Variants in AFG2A observed in about 807,000 individuals in gnomAD.
AFG2A encodes AAA ATPase AFG2A.
chr4:123,243,425 G>T, the AFG2A span, among the ~76,000 whole-genome samples: 2 of 152,110 alleles, frequency 1.3e-5, no homozygotes, highest in African/African-American at 4.8e-5. Context: ...CCATAAAAAA[G>T]GATGAGTTCA....
the AFG2A span, among the ~76,000 whole-genome samples, chr4:123,136,041 A>G: frequency 6.6e-6 from 1 of 152,170 alleles, no homozygotes; most frequent in Non-Finnish European, 1.5e-5. Context: ...GAAGTAAAAG[A>G]TTTGTAATTT....
chr4:123,259,147 A>G, the AFG2A span, among the ~76,000 whole-genome samples: 893 of 152,254 alleles, frequency 5.9e-3, 10 homozygotes, highest in Non-Finnish European at 8.7e-3. Flanking sequence ...GATTACAGGC[A>G]TGAGCCTCTG....
chr4:123,179,639 C>T, the AFG2A span, among the ~76,000 whole-genome samples: 3 of 152,212 alleles, frequency 2.0e-5, no homozygotes, highest in African/African-American at 7.2e-5. Flanking sequence ...GCTGGGATTA[C>T]AGGCGTGAGC....
chr4:123,253,517 G>T, the AFG2A span, among the ~76,000 whole-genome samples: 1 of 151,870 alleles, frequency 6.6e-6, no homozygotes, highest in Non-Finnish European at 1.5e-5. Flanking sequence ...GGGCATGGTG[G>T]TGCATACCTG....
the AFG2A span, among the ~76,000 whole-genome samples, chr4:122,951,842 C>T: frequency 1.3e-5 from 2 of 152,134 alleles, no homozygotes; most frequent in African/African-American, 2.4e-5. Context: ...GACATTGGGC[C>T]CTGTCTATCC....
At chr4:123,307,068 T>C in the AFG2A span, among the ~76,000 whole-genome samples, 2 of 152,232 alleles carry the variant, frequency 1.3e-5, no homozygotes, top group African/African-American at 2.4e-5. Context: ...TGATTCAAAC[T>C]TGTCTATTCA....
the AFG2A span, among the ~76,000 whole-genome samples, chr4:123,024,227 C>CA: frequency 0.66 from 81,325 of 123,460 alleles, 26,811 homozygotes; most frequent in Non-Finnish European, 0.74. Flanking sequence ...AGACTATAAG[C>CA]AAAAAAAAAA....
chr4:123,249,978 T>C, the AFG2A span, among the ~76,000 whole-genome samples: 3 of 152,180 alleles, frequency 2.0e-5, no homozygotes, highest in Non-Finnish European at 4.4e-5. Context: ...TCATGATTCA[T>C]TGATATGTTT....
At chr4:123,223,561 A>T in the AFG2A span, among the ~76,000 whole-genome samples, 1 of 152,284 alleles carries the variant, frequency 6.6e-6, no homozygotes, top group South Asian at 2.1e-4. Context: ...ACATCTTCAT[A>T]TGGCCAGAGC....
the AFG2A span, among the ~76,000 whole-genome samples, chr4:123,108,459 A>G: frequency 6.6e-6 from 1 of 152,074 alleles, no homozygotes; most frequent in Non-Finnish European, 1.5e-5. Flanking sequence ...GCCTTGTATC[A>G]ATAATTATGT....
the AFG2A span, among the ~76,000 whole-genome samples, chr4:123,214,480 A>T: frequency 1.3e-5 from 2 of 152,062 alleles, no homozygotes; most frequent in Non-Finnish European, 2.9e-5. Flanking sequence ...ACAGGTTTGA[A>T]TTGCACAGGT....
At chr4:123,017,302 C>T in the AFG2A span, among the ~76,000 whole-genome samples, 18 of 148,222 alleles carry the variant, frequency 1.2e-4, no homozygotes, top group Middle Eastern at 3.6e-3. Flanking sequence ...TTTTAATCAA[C>T]GGGAGAGAGT....
chr4:122,956,657 G>A, the AFG2A span, among the ~76,000 whole-genome samples: 1 of 152,186 alleles, frequency 6.6e-6, no homozygotes, highest in Non-Finnish European at 1.5e-5. Context: ...TTGAGATGGA[G>A]TCTTGCTCTG....
chr4:123,167,140 C>T, the AFG2A span, among the ~76,000 whole-genome samples: 1 of 150,098 alleles, frequency 6.7e-6, no homozygotes, highest in Non-Finnish European at 1.5e-5. Flanking sequence ...TAATATAACT[C>T]AAACCAACTG....
the AFG2A span, among the ~76,000 whole-genome samples, chr4:123,058,718 A>C: frequency 1.5e-5 from 2 of 129,580 alleles, no homozygotes; most frequent in African/African-American, 5.4e-5. Flanking sequence ...GATTCAGTTA[A>C]TCTCCCACTG....
chr4:123,247,595 T>TGTTTGTTTGTTC, the AFG2A span, among the ~76,000 whole-genome samples: 1 of 151,774 alleles, frequency 6.6e-6, no homozygotes, highest in South Asian at 2.1e-4. Flanking sequence ...TTTGTTTGTT[T>TGTTTGTTTGTTC]GTTTGTTTGT....
chr4:123,208,351 G>A, the AFG2A span, among the ~76,000 whole-genome samples: 9 of 152,274 alleles, frequency 5.9e-5, no homozygotes, highest in South Asian at 1.9e-3. Flanking sequence ...AAATCATGGG[G>A]TAGGGATCTT....
chr4:123,287,983 G>A, the AFG2A span, among the ~76,000 whole-genome samples: 1 of 152,154 alleles, frequency 6.6e-6, no homozygotes, highest in East Asian at 1.9e-4. Flanking sequence ...TTCAAGAACA[G>A]CCAGGAAGCC....
At chr4:123,313,273 A>G in the AFG2A span, among the ~76,000 whole-genome samples, 2 of 152,126 alleles carry the variant, frequency 1.3e-5, no homozygotes, top group Non-Finnish European at 2.9e-5. Flanking sequence ...AGTAAACAGC[A>G]TTCACTTCTC....
Sources: gnomAD v4.1 joint callset for allele counts (sites outside exome capture counted in the v4.1 genomes callset) on GRCh38, gnomAD v4.1.1 for gene constraint, MANE v1.5 for transcripts, NCBI Gene and HGNC (gene_info 2026-07-23, HGNC 2026-07-21) for gene names.